Variants in CCDC187 observed in about 807,000 individuals in gnomAD.
CCDC187 encodes coiled-coil domain containing 187.
CCDC187 carries 32 observed loss-of-function variants against 38.0 expected under a neutral mutation model. The ratio of observed to expected loss-of-function variants is 0.84; its 90% confidence interval spans 0.64 to 1.13. The LOEUF (loss-of-function observed/expected upper bound fraction) is 1.13, where lower values mean the gene tolerates loss of function less well. Ranked by LOEUF, CCDC187 falls within the 50% of genes most tolerant of loss-of-function variation. CCDC187 has a pLI of 0.00. For missense variants in CCDC187, 707 were observed against 786.8 expected (o/e 0.90, Z 1.21); for synonymous variants, 333 against 347.9 (o/e 0.96, Z 0.48).
intron 2 of CCDC187, among the ~76,000 whole-genome samples, chr9:136,302,082 T>C (rs1190560541): frequency 1.2e-4 from 18 of 151,850 alleles, no homozygotes; most frequent in African/African-American, 3.9e-4. Context: ...TAGTGACGGG[T>C]GCCTGTAATC....
At chr9:136,280,302 C>G (rs1831013242) in intron 10 of CCDC187, among the ~76,000 whole-genome samples, 2 of 152,228 alleles carry the variant, frequency 1.3e-5, no homozygotes, top group Non-Finnish European at 2.9e-5. Flanking sequence ...CTCTCAGTGC[C>G]AGGCAGGCAG....
intron 10 of CCDC187, among the ~76,000 whole-genome samples, chr9:136,277,032 C>G (rs1231615878): frequency 3.9e-5 from 6 of 151,998 alleles, no homozygotes; most frequent in African/African-American, 1.4e-4. Flanking sequence ...CTGACCCCGG[C>G]CAGGACCAAC....
In CCDC187 at chr9:136,275,973, ACCCCCCAGTGCCAGCG is replaced by A. The variant is rs1292261878; in HGVS notation, c.3225+205_3225+220del. Among the ~76,000 whole-genome samples the A allele has an allele frequency of 1.0e-4, 15 of 148,344 alleles. No individual in the cohort carries two copies. The East Asian group carries it at 3.0e-3, about 30-fold the overall frequency. ...ACCCAGCTCTGGTTCCCGCTGGGGCACCCCCCAGTGCCAGCGCCCCCAGGACACATGTGGCTGAAAC... is the reference window on the plus strand; with the variant it reads ...ACCCAGCTCTGGTTCCCGCTGGGGCACCCCCAGGACACATGTGGCTGAAAC... On this transcript the variant is annotated intron_variant, in intron 12 of 25. Transcript: ENST00000638797.
In CCDC187 at chr9:136,262,451, G is replaced by C. The variant is rs1451980059; in HGVS notation, c.3924C>G (p.Pro1308=). 5.1e-6 allele frequency: 5 copies of C among 985,792 alleles called. No homozygotes were observed. Among genetic ancestry groups the C allele is most frequent in the Non-Finnish European group, 6.0e-6 (5 of 830,192 alleles). 61.1% of individuals were successfully genotyped at this position (985,792 alleles called of 1,614,324 possible). ...CTCCCTCCCAGGCGGCCTTGACTTT[G>C]GGGCTGGAACCCTGTAAGAAATGGT... ...AQAKLQQGSS[P]KVKAAWEGGS... is the part of the protein sequence containing the mutation. Residue 1308 remains proline, a synonymous_variant, in exon 19 of 26, where the codon CCC becomes CCG. Transcript: ENST00000638797.
rs34666016 is a variant in CCDC187, at chr9:136,251,786, G to A, written c.*1808C>T. On this transcript the variant is annotated 3_prime_UTR_variant, in exon 26 of 26. Transcript: ENST00000638797. ...ATGCGAAGAAGCAGGTGTGCAGTCC[G>A]GGCCTGGCTTCAGGTGACCGTCCCG... 18,957 of 153,746 alleles carry A rather than the reference G, an allele frequency of 0.12. 1,472 individuals are homozygous for A. The highest frequency in any genetic ancestry group is 0.2 in the Admixed American group (3,010 of 15,296). The allele number at this position is 153,746 out of a possible 1,614,324, so 9.5% of individuals were successfully genotyped here. A position where few individuals can be genotyped will look rare whatever the true frequency, so the allele number is the denominator to read the frequency against.
At chr9:136,304,314 G>A (rs1041227108), upstream of CCDC187, among the ~76,000 whole-genome samples, 7 of 152,188 alleles carry the variant, frequency 4.6e-5, no homozygotes, top group East Asian at 7.7e-4. Context: ...TGGTGGGGGC[G>A]GGGCCTAACC....
chr9:136,293,501 ACT>A (rs1175131508), intron 4 of CCDC187, among the ~76,000 whole-genome samples: 2 of 126,468 alleles, frequency 1.6e-5, no homozygotes, highest in African/African-American at 3.1e-5. Flanking sequence ...ATGCTCACAC[ACT>A]CACAAACACA....
chr9:136,301,067 G>A (rs1050443675), intron 2 of CCDC187, among the ~76,000 whole-genome samples: 15 of 152,304 alleles, frequency 9.8e-5, no homozygotes, highest in East Asian at 9.7e-4. Context: ...GGCCCTGCGC[G>A]CCTTCATGCT....
rs1323272091 is a variant in CCDC187, at chr9:136,251,482, G to A, written c.*2112C>T. The A allele has an allele frequency of 4.2e-5, 7 of 167,812 alleles. No homozygotes were observed. Among genetic ancestry groups the A allele is most frequent in the African/African-American group, 1.4e-4 (6 of 41,842 alleles). 10.4% of individuals were successfully genotyped at this position (167,812 alleles called of 1,614,324 possible). On this transcript the variant is annotated 3_prime_UTR_variant, in exon 26 of 26. Transcript: ENST00000638797. ...TCCACCCAGCTGCACGTCATGTGCCGGCAGTTTGGGTGTGGGAGGAGCCTC... is the reference window on the plus strand; with the variant it reads ...TCCACCCAGCTGCACGTCATGTGCCAGCAGTTTGGGTGTGGGAGGAGCCTC...
chr9:136,253,838 T>C lies in CCDC187; in HGVS notation c.5990A>G (p.Tyr1997Cys). Reference protein sequence around the residue: ...ILSPVDELLSYGSADLPSSIH... With the variant: ...ILSPVDELLSCGSADLPSSIH... ...GGAGGACGGGAGGTCGGCACTGCCG[T>C]AGGACAGCAACTCGTCCACGGGAGA... is the stretch of plus-strand genomic sequence containing the variant. Residue 1997 changes from tyrosine to cysteine, a missense_variant, in exon 26 of 26, where the codon TAC becomes TGC. Coordinates refer to ENST00000638797, the MANE Select transcript of CCDC187 (RefSeq NM_001378188.1). The C allele has an allele frequency of 1.0e-6, 1 of 985,174 alleles. No homozygotes were observed. Among genetic ancestry groups the C allele is most frequent in the Non-Finnish European group, 1.2e-6 (1 of 829,810 alleles). 61.0% of individuals were successfully genotyped at this position (985,174 alleles called of 1,614,324 possible).
In CCDC187 at chr9:136,254,204, G is replaced by C; in HGVS notation, c.5624C>G (p.Pro1875Arg). The C allele has an allele frequency of 1.0e-6, 1 of 985,512 alleles. No individual in the cohort carries two copies. 61.0% of individuals were successfully genotyped at this position (985,512 alleles called of 1,614,324 possible). A position where few individuals can be genotyped will look rare whatever the true frequency, so the allele number is the denominator to read the frequency against. ...APPEAAGVVF[P>R]LQISSAGDSD... ...GTCACCGGCAGAAGAGATTTGCAGC[G>C]GGAACACCACACCGGCGGCCTCAGG... is the stretch of plus-strand genomic sequence containing the variant. The change falls in exon 26 of 26, where the codon CCG (proline) becomes CGG (arginine). Residue 1875 changes from proline to arginine, a missense_variant. By Grantham distance (103) the Pro-to-Arg change is moderately radical. Coordinates refer to ENST00000638797, the MANE Select transcript of CCDC187 (RefSeq NM_001378188.1).
chr9:136,270,567 T>C (rs1830823556), intron 14 of CCDC187, among the ~76,000 whole-genome samples: 1 of 152,172 alleles, frequency 6.6e-6, no homozygotes, highest in Non-Finnish European at 1.5e-5. Context: ...GGGAGGAACA[T>C]GAAAGTAGAC....
intron 20 of CCDC187, among the ~76,000 whole-genome samples, chr9:136,259,768 G>A (rs1451282865): frequency 6.6e-6 from 1 of 152,188 alleles, no homozygotes; most frequent in Non-Finnish European, 1.5e-5. Flanking sequence ...GGACCTGCCT[G>A]GCAACAGTCT....
chr9:136,293,360 TTCA>T (rs1831407660), intron 4 of CCDC187, among the ~76,000 whole-genome samples: 2 of 87,580 alleles, frequency 2.3e-5, no homozygotes, highest in African/African-American at 9.8e-5. Flanking sequence ...CTCACACACA[TTCA>T]CATGCTCACA....
intron 2 of CCDC187, among the ~76,000 whole-genome samples, chr9:136,300,894 C>T (rs1219281334): frequency 6.6e-6 from 1 of 152,264 alleles, no homozygotes; most frequent in Non-Finnish European, 1.5e-5. Flanking sequence ...AGCCACCGCG[C>T]CCAGCCTCAA....
In CCDC187 at chr9:136,276,283, C is replaced by T. The variant is rs1830929091; in HGVS notation, c.3136G>A (p.Ala1046Thr). 6.6e-6 allele frequency: 1 copy of T among 152,206 alleles called. No individual in the cohort carries two copies. Among genetic ancestry groups the T allele is most frequent in the African/African-American group, 2.4e-5 (1 of 41,444 alleles). The allele number at this position is 152,206 out of a possible 1,614,324, so 9.4% of individuals were successfully genotyped here. The part of the protein sequence containing the change: ...DSLKLDQQKQ[A>T]LALLRQRAEL... ...GCCCGCTGCCGCAGGAGGGCCAACG[C>T]CTGCTTCTGCTGGTCCAGCTGCAGG... is the stretch of plus-strand genomic sequence containing the variant. The change falls in exon 12 of 26, where the codon GCG (alanine) becomes ACG (threonine). Residue 1046 changes from alanine to threonine, a missense_variant. Transcript: ENST00000638797.
chr9:136,299,090 C>G (rs994415511), intron 3 of CCDC187, among the ~76,000 whole-genome samples: 10 of 152,184 alleles, frequency 6.6e-5, no homozygotes, highest in African/African-American at 1.2e-4. Context: ...GGTCACCAAG[C>G]TGATGCCATT....
chr9:136,297,597 T>A, intron 4 of CCDC187, 117 bp downstream of exon 4: 1 of 391,876 alleles, frequency 2.6e-6, no homozygotes. Context: ...CCTGTGTACA[T>A]GGCAGTCCGA....
rs1016350364 is a variant in CCDC187, at chr9:136,303,870, T to G, written c.-40A>C. The G allele has an allele frequency of 5.3e-5, 8 of 152,336 alleles. No individual in the cohort carries two copies. Among genetic ancestry groups the G allele is most frequent in the Admixed American group, 5.2e-4 (8 of 15,290 alleles). The allele number at this position is 152,336 out of a possible 1,614,324, so 9.4% of individuals were successfully genotyped here. A position where few individuals can be genotyped will look rare whatever the true frequency, so the allele number is the denominator to read the frequency against. The stretch of plus-strand genomic sequence containing the variant: ...GGGGAGAGCAGGTGCAAGGTCAACC[T>G]GGCCCGCCCTGCCTGGGGTCGCTGC... On this transcript the variant is annotated 5_prime_UTR_variant, in exon 1 of 26. Coordinates refer to ENST00000638797, the MANE Select transcript of CCDC187 (RefSeq NM_001378188.1).
Sources: gnomAD v4.1 joint callset for allele counts (sites outside exome capture counted in the v4.1 genomes callset) on GRCh38, gnomAD v4.1.1 for gene constraint, MANE v1.5 for transcripts, NCBI Gene and HGNC (gene_info 2026-07-23, HGNC 2026-07-21) for gene names.